The following FXR1 variants were observed in gnomAD, a reference collection of about 807,000 sequenced individuals.
The protein encoded by FXR1 is RNA-binding protein FXR1.
In FXR1, 15 loss-of-function variants were observed where a neutral mutation model predicts 84.0. That is an observed-to-expected ratio of 0.18 (90% CI 0.12 to 0.27). The LOEUF is 0.27. FXR1 is among the 10% of genes least tolerant of loss of function. The probability of loss-of-function intolerance (pLI) is 1.00; values close to 1 mark genes in which losing one functional copy is unlikely to be tolerated. For synonymous variants in FXR1, 245 were observed against 250.7 expected (o/e 0.98, Z 0.21); for missense variants, 480 against 774.4 (o/e 0.62, Z 4.51).
At chr3:180,918,821 T>TC (rs1245967484) in intron 1 of FXR1, among the ~76,000 whole-genome samples, 24 of 152,320 alleles carry the variant, frequency 1.6e-4, no homozygotes, top group African/African-American at 5.8e-4. Flanking sequence ...TTACCAGACT[T>TC]TGTAGGTGCC....
At chr3:180,975,427 G>GTTT (rs34318725) in intron 16 of FXR1, 23 bp downstream of exon 16, 219 of 692,472 alleles carry the variant, frequency 3.2e-4, no homozygotes, top group South Asian at 4.5e-4. Context: ...TAACCTGTAG[G>GTTT]TTTTTTTTTT....
At chr3:180,970,381 GAAATATATAT>G in intron 15 of FXR1, 23 bp downstream of exon 15, 1 of 474,558 alleles carries the variant, frequency 2.1e-6, no homozygotes, top group Admixed American at 2.4e-5. Flanking sequence ...TTAGGGAAGA[GAAATATATAT>G]ATATATATAT....
chr3:180,946,479 G>GTTT (rs1443461028), intron 3 of FXR1, among the ~76,000 whole-genome samples: 2 of 152,100 alleles, frequency 1.3e-5, no homozygotes, highest in African/African-American at 4.8e-5. Context: ...AAACTTTCTT[G>GTTT]TTTTTTGGAA....
At chr3:180,951,202 G>T in intron 7 of FXR1, 96 bp from the exon 8 acceptor site, 1 of 697,260 alleles carries the variant, frequency 1.4e-6, no homozygotes, top group Non-Finnish European at 2.5e-6. Context: ...TAGCCTTGGT[G>T]ACAGAGTGAG....
chr3:180,965,283 G>A (rs764469395), intron 13 of FXR1, among the ~76,000 whole-genome samples: 4 of 152,070 alleles, frequency 2.6e-5, no homozygotes, highest in Non-Finnish European at 5.9e-5. Flanking sequence ...CCAAAGTGCT[G>A]GGATTACAGG....
At chr3:180,927,434 C>T (rs1187168276) in intron 1 of FXR1, among the ~76,000 whole-genome samples, 1 of 152,068 alleles carries the variant, frequency 6.6e-6, no homozygotes, top group Non-Finnish European at 1.5e-5. Flanking sequence ...GTCCATAATA[C>T]ATCTGTTCAG....
At chr3:180,957,976 G>T (rs372060185) in intron 10 of FXR1, 48 bp downstream of exon 10, 8 of 821,430 alleles carry the variant, frequency 9.7e-6, no homozygotes, top group African/African-American at 1.7e-5. Flanking sequence ...CCTTTTTTTG[G>T]CCAACTTAAT....
chr3:180,944,387 C>T (rs145112679), intron 3 of FXR1, among the ~76,000 whole-genome samples: 144 of 151,560 alleles, frequency 9.5e-4, no homozygotes, highest in Non-Finnish European at 1.6e-3. Flanking sequence ...GTGGCATGAT[C>T]ATGGCTCACT....
chr3:180,948,963 A>G, intron 6 of FXR1, 149 bp downstream of exon 6: 1 of 625,490 alleles, frequency 1.6e-6, no homozygotes, highest in Non-Finnish European at 2.9e-6. Flanking sequence ...TTGCAGCTAT[A>G]AAATGTTAAT....
At chr3:180,941,191 T>C (rs1370472865) in intron 3 of FXR1, among the ~76,000 whole-genome samples, 1 of 150,966 alleles carries the variant, frequency 6.6e-6, no homozygotes, top group Non-Finnish European at 1.5e-5. Flanking sequence ...TTTTTTTTTT[T>C]CCAAATTTTA....
In FXR1 at chr3:180,976,000, A is replaced by G. The variant is rs1481447820; in HGVS notation, c.1696-122A>G. The G allele has an allele frequency of 6.2e-6, 4 of 650,144 alleles. No individual in the cohort carries two copies. In the African/African-American group the frequency reaches 7.4e-5, roughly 12 times the overall value. 40.3% of individuals were successfully genotyped at this position (650,144 alleles called of 1,614,324 possible). A position where few individuals can be genotyped will look rare whatever the true frequency, so the allele number is the denominator to read the frequency against. On this transcript the variant is annotated intron_variant, in intron 16 of 16. Coordinates refer to ENST00000357559, the MANE Select transcript of FXR1 (RefSeq NM_005087.4). ...ATTTTAAAGATGTTTTAATACTTTG[A>G]TCCATTGTGGTATATAAAACTGAAA...
rs1560035127 is a variant in FXR1, at chr3:180,981,258, C to T, written c.*4966C>T. 2.6e-5 allele frequency: 4 copies of T among 151,746 alleles called. No individual in the cohort carries two copies. The highest frequency in any genetic ancestry group is 7.3e-5 in the African/African-American group (3 of 41,322). 9.4% of individuals were successfully genotyped at this position (151,746 alleles called of 1,614,324 possible). A position where few individuals can be genotyped will look rare whatever the true frequency, so the allele number is the denominator to read the frequency against. On this transcript the variant is annotated 3_prime_UTR_variant, in exon 17 of 17. Coordinates refer to ENST00000357559, the MANE Select transcript of FXR1 (RefSeq NM_005087.4). ...CATTTCTGATACTAGGTTTTCTTTA[C>T]GGGGGGGCATACATATTCAGTATAC...
At position 180,978,425 on chromosome 3, in the gene FXR1, A is replaced by T. The variant is rs1246322573; in HGVS notation, c.*2133A>T. The stretch of plus-strand genomic sequence containing the variant: ...TAGTGCAGAATTGTGATAAATACGC[A>T]TTTGTTTTTTTAGAGAGCCCCACTC... On this transcript the variant is annotated 3_prime_UTR_variant, in exon 17 of 17. Transcript: ENST00000357559. 1 of 152,032 alleles carries T rather than the reference A, an allele frequency of 6.6e-6. No individual in the cohort carries two copies. The highest frequency in any genetic ancestry group is 1.5e-5 in the Non-Finnish European group (1 of 67,964). 9.4% of individuals were successfully genotyped at this position (152,032 alleles called of 1,614,324 possible). A position where few individuals can be genotyped will look rare whatever the true frequency, so the allele number is the denominator to read the frequency against.
Position 180,970,310 on chromosome 3 carries a change from G to T in FXR1, c.1555G>T (p.Asp519Tyr). 1 of 1,604,678 alleles carries T rather than the reference G, an allele frequency of 6.2e-7. No individual in the cohort carries two copies. Reference sequence around the variant, plus strand: ...GACTGATGAAGATGCTGTTCTGATGGATGGAATGACTGAATCTGATACAGC... The same window carrying T: ...GACTGATGAAGATGCTGTTCTGATGTATGGAATGACTGAATCTGATACAGC... Reference protein sequence around the residue: ...RRTDEDAVLMDGMTESDTASV... With the variant: ...RRTDEDAVLMYGMTESDTASV... Residue 519 changes from aspartate (D) to tyrosine (Y), a missense_variant, in exon 15 of 17, where the codon GAT (aspartate) becomes TAT (tyrosine). Around this residue, in one of 6 missense-constraint regions of FXR1, gnomAD observed 157 missense variants for 227.8 expected, o/e 0.69. Coordinates refer to ENST00000357559, the MANE Select transcript of FXR1 (RefSeq NM_005087.4).
intron 3 of FXR1, among the ~76,000 whole-genome samples, chr3:180,940,993 C>G (rs180716774): frequency 6.6e-6 from 1 of 152,218 alleles, no homozygotes; most frequent in African/African-American, 2.4e-5. Context: ...TAGGAATTGG[C>G]AAGTTTTTGT....
At chr3:180,928,931 G>GT (rs35468799) in intron 1 of FXR1, among the ~76,000 whole-genome samples, 25,907 of 150,048 alleles carry the variant, frequency 0.17, 2,426 homozygotes, top group South Asian at 0.26. Context: ...TTTTTTGTTT[G>GT]TTTTTTTTTA....
intron 3 of FXR1, among the ~76,000 whole-genome samples, chr3:180,942,148 G>T (rs562608310): frequency 3.9e-4 from 60 of 152,078 alleles, no homozygotes; most frequent in African/African-American, 1.4e-3. Flanking sequence ...GGAGGCCGAG[G>T]CGGGCAGATC....
intron 1 of FXR1, among the ~76,000 whole-genome samples, chr3:180,922,844 A>C (rs1222878670): frequency 2.0e-5 from 3 of 151,978 alleles, no homozygotes; most frequent in Non-Finnish European, 4.4e-5. Flanking sequence ...CAACTCCTGG[A>C]CTCAAGTGAT....
rs758555624 is a variant in FXR1 at position 180,948,537 on chromosome 3, G to C, written c.419+42G>C. 4 of 1,442,060 alleles carry C rather than the reference G, an allele frequency of 2.8e-6. No homozygotes were observed. The African/African-American group carries it at 4.3e-5, about 15-fold the overall frequency. The allele number at this position is 1,442,060 out of a possible 1,614,324, so 89.3% of individuals were successfully genotyped here. On this transcript the variant is annotated intron_variant, in intron 5 of 16. Transcript: ENST00000357559. ...ACTATTGAATTGTTCTGTGAATTAA[G>C]AAGATTTTTCAGTCCTACAAAACAT...
Sources: allele counts gnomAD v4.1 joint callset (sites outside exome capture counted in the v4.1 genomes callset), GRCh38; gene constraint gnomAD v4.1.1; regional missense constraint gnomAD v4.1.1; transcripts MANE v1.5; gene names NCBI Gene and HGNC (gene_info 2026-07-23, HGNC 2026-07-21).